SLC9D1: variants seen among roughly 807,000 people sequenced by gnomAD.
SLC9D1 encodes the protein putative LAG1-interacting protein.
chr13:113,537,669 C>G, the SLC9D1 span, among the ~76,000 whole-genome samples: 1 of 152,198 alleles, frequency 6.6e-6, no homozygotes, highest in Non-Finnish European at 1.5e-5. Context: ...AAAGATCCGC[C>G]TGCCCCTGGG....
chr13:113,533,135 G>A, the SLC9D1 span, among the ~76,000 whole-genome samples: 2 of 115,346 alleles, frequency 1.7e-5, no homozygotes, highest in African/African-American at 8.3e-5. Context: ...CGTGGGCCCT[G>A]CAGCGAGCTC....
the SLC9D1 span, among the ~76,000 whole-genome samples, chr13:113,533,833 C>T: frequency 6.6e-6 from 1 of 152,202 alleles, no homozygotes; most frequent in African/African-American, 2.4e-5. Context: ...GTATTGACTG[C>T]AAACCAATGC....
the SLC9D1 span, chr13:113,499,835 TC>T: frequency 4.0e-6 from 2 of 500,644 alleles, no homozygotes; most frequent in Non-Finnish European, 6.6e-6. Flanking sequence ...GAAAAAGAAG[TC>T]CTAATTCACT....
At chr13:113,522,978 T>C in the SLC9D1 span, among the ~76,000 whole-genome samples, 28,090 of 152,060 alleles carry the variant, frequency 0.18, 3,433 homozygotes, top group African/African-American at 0.35. Flanking sequence ...TTTTGGAAGT[T>C]GAACCAGCCT....
At chr13:113,541,548 T>C in the SLC9D1 span, among the ~76,000 whole-genome samples, 63 of 100,118 alleles carry the variant, frequency 6.3e-4, 4 homozygotes, top group Admixed American at 1.7e-3. Context: ...TTATTACCGC[T>C]GAGTTGTGTG....
the SLC9D1 span, chr13:113,528,065 T>C: frequency 6.6e-6 from 1 of 152,264 alleles, no homozygotes; most frequent in African/African-American, 2.4e-5. Flanking sequence ...AGAGAGTGTT[T>C]GTGGCCTTTT....
chr13:113,495,801 G>A, the SLC9D1 span: 78 of 1,614,058 alleles, frequency 4.8e-5, no homozygotes, highest in Non-Finnish European at 6.6e-5. Context: ...ACTGAAAACT[G>A]CAATTGGAGC....
the SLC9D1 span, chr13:113,528,918 G>C: frequency 1.3e-5 from 2 of 152,210 alleles, no homozygotes; most frequent in African/African-American, 4.8e-5. Context: ...TGTCATGCTA[G>C]CCGGAGATGA....
chr13:113,507,328 TC>T, the SLC9D1 span, among the ~76,000 whole-genome samples: 4 of 152,164 alleles, frequency 2.6e-5, no homozygotes, highest in African/African-American at 9.7e-5. Flanking sequence ...GTGTTTATTT[TC>T]CCCTTTTTAT....
chr13:113,495,226 G>A, the SLC9D1 span, among the ~76,000 whole-genome samples: 2 of 151,462 alleles, frequency 1.3e-5, no homozygotes, highest in African/African-American at 4.9e-5. Flanking sequence ...ATACGAGGCT[G>A]CGTCGCCCCC....
the SLC9D1 span, among the ~76,000 whole-genome samples, chr13:113,549,183 G>A: frequency 6.6e-6 from 1 of 152,192 alleles, no homozygotes; most frequent in Non-Finnish European, 1.5e-5. Context: ...GCTTTAAAGA[G>A]ATAGTAGTGA....
the SLC9D1 span, chr13:113,539,416 C>T: frequency 1.9e-6 from 3 of 1,613,742 alleles, no homozygotes; most frequent in South Asian, 3.3e-5. This position sits in a 1 kb window ranked among gnomAD's most constrained non-coding sequence, Gnocchi z 4.8. Flanking sequence ...GAGCGCTCGT[C>T]TCCTCTCAGG....
the SLC9D1 span, among the ~76,000 whole-genome samples, chr13:113,517,431 T>C: frequency 9.9e-5 from 15 of 152,214 alleles, no homozygotes; most frequent in East Asian, 9.7e-4. Flanking sequence ...GGTTTCACCG[T>C]GTTAGCCAGG....
chr13:113,522,463 C>G, the SLC9D1 span, among the ~76,000 whole-genome samples: 1 of 152,308 alleles, frequency 6.6e-6, no homozygotes, highest in East Asian at 1.9e-4. Flanking sequence ...GCCTCAGCCT[C>G]TGGAGTAGCT....
chr13:113,498,894 G>A, the SLC9D1 span, among the ~76,000 whole-genome samples: 7 of 143,994 alleles, frequency 4.9e-5, no homozygotes, highest in African/African-American at 2.0e-4. Context: ...AGAGTTCTTG[G>A]ATCAGGGGTA....
At chr13:113,499,156 G>T in the SLC9D1 span, among the ~76,000 whole-genome samples, 28,174 of 152,090 alleles carry the variant, frequency 0.19, 3,452 homozygotes, top group African/African-American at 0.35. Context: ...GTCATGGCGC[G>T]GGTGGGAGTG....
chr13:113,548,225 C>T, the SLC9D1 span: 1 of 1,533,892 alleles, frequency 6.5e-7, no homozygotes, highest in South Asian at 1.2e-5. Context: ...TGTGGCTCGT[C>T]TGGGTTCTCT....
At chr13:113,507,465 A>AT in the SLC9D1 span, among the ~76,000 whole-genome samples, 3 of 152,132 alleles carry the variant, frequency 2.0e-5, no homozygotes, top group Non-Finnish European at 4.4e-5. Context: ...TGGGAAAATA[A>AT]TTTCCTTGGG....
chr13:113,541,359 G>C, the SLC9D1 span, among the ~76,000 whole-genome samples: 1 of 146,980 alleles, frequency 6.8e-6, no homozygotes, highest in Non-Finnish European at 1.5e-5. Flanking sequence ...GCTGATCACT[G>C]CCATGCTTTA....
Sources: gnomAD v4.1 joint callset for allele counts (sites outside exome capture counted in the v4.1 genomes callset) on GRCh38, gnomAD v4.1.1 for gene constraint, Gnocchi (gnomAD v3.1) non-coding constraint, MANE v1.5 for transcripts, NCBI Gene and HGNC (gene_info 2026-07-23, HGNC 2026-07-21) for gene names.